The following RPS23 variants were observed in gnomAD, a reference collection of about 807,000 sequenced individuals.
RPS23 encodes the protein small ribosomal subunit protein uS12.
For missense variants in RPS23, 73 were observed against 174.5 expected (o/e 0.42, Z 3.28); for synonymous variants, 66 against 60.4 (o/e 1.09, Z -0.43).
In RPS23 at chr5:82,274,109, G is replaced by A. The variant is rs527800355; in HGVS notation, c.*2000C>T. On this transcript the variant is annotated 3_prime_UTR_variant, in exon 4 of 4. Coordinates refer to ENST00000296674, the MANE Select transcript of RPS23 (RefSeq NM_001025.5). ...CCTTTGTTTTGGTCTTTGACAAATG[G>A]AAGTCCACAACATTTATTGAAACTC... The A allele has an allele frequency of 6.6e-6, 1 of 152,250 alleles. No individual in the cohort carries two copies. The highest frequency in any genetic ancestry group is 2.1e-4 in the South Asian group (1 of 4,820). The allele number at this position is 152,250 out of a possible 1,614,324, so 9.4% of individuals were successfully genotyped here. A position where few individuals can be genotyped will look rare whatever the true frequency, so the allele number is the denominator to read the frequency against.
Position 82,277,323 on chromosome 5 carries a change from CAATT to C in RPS23, c.164+366_164+369del, listed in dbSNP as rs1352661896. 52 of 302,644 alleles carry C rather than the reference CAATT, an allele frequency of 1.7e-4. 2 individuals carry two copies. The highest frequency in any genetic ancestry group is 1.2e-3 in the South Asian group (39 of 31,920). The allele number at this position is 302,644 out of a possible 1,614,324, so 18.7% of individuals were successfully genotyped here. On this transcript the variant is annotated intron_variant, in intron 2 of 3. Transcript: ENST00000296674. ...TGTCTCAATCTTAGGTGTATGACCT[CAATT>C]AATTCTGATGCAAGTCACTTCTCTT...
intron 2 of RPS23, chr5:82,277,421 C>G (rs1667115721): frequency 2.2e-6 from 1 of 456,416 alleles, no homozygotes; most frequent in Non-Finnish European, 4.0e-6. Context: ...ACAACTCCCA[C>G]AGTAAAGGTG....
chr5:82,275,502 T>C lies in RPS23; in HGVS notation c.*607A>G. On this transcript the variant is annotated 3_prime_UTR_variant, in exon 4 of 4. Coordinates refer to ENST00000296674, the MANE Select transcript of RPS23 (RefSeq NM_001025.5). ...CTTATCTCCCTTGCCTGGCATATAC[T>C]TCCATCAACTAAATGATCCAATGCC... is the stretch of plus-strand genomic sequence containing the variant. The C allele has an allele frequency of 1.7e-6, 1 of 594,596 alleles. No individual in the cohort carries two copies. Among genetic ancestry groups the C allele is most frequent in the Admixed American group, 2.9e-5 (1 of 34,282 alleles). 36.8% of individuals were successfully genotyped at this position (594,596 alleles called of 1,614,324 possible).
At chr5:82,276,564 GATT>G in intron 2 of RPS23, 46 bp from the exon 3 acceptor site, 1 of 1,608,088 alleles carries the variant, frequency 6.2e-7, no homozygotes, top group Non-Finnish European at 8.5e-7. Flanking sequence ...TTCTGAAAAA[GATT>G]ATCTTTTCAT....
Position 82,275,335 on chromosome 5 carries a change from T to A in RPS23, c.*774A>T. On this transcript the variant is annotated 3_prime_UTR_variant, in exon 4 of 4. Coordinates refer to ENST00000296674, the MANE Select transcript of RPS23 (RefSeq NM_001025.5). Reference sequence around the variant, plus strand: ...TGTGGACAGCAAAATCCACATGTACTCAATACCTAGCTTAAATTATCAAAA... The same window carrying A: ...TGTGGACAGCAAAATCCACATGTACACAATACCTAGCTTAAATTATCAAAA... 1 of 702,544 alleles carries A rather than the reference T, an allele frequency of 1.4e-6. No homozygotes were observed. The highest frequency in any genetic ancestry group is 1.5e-5 in the South Asian group (1 of 67,582). 43.5% of individuals were successfully genotyped at this position (702,544 alleles called of 1,614,324 possible).
intron 2 of RPS23, chr5:82,277,379 G>A: frequency 2.6e-6 from 1 of 378,688 alleles, no homozygotes; most frequent in South Asian, 2.5e-5. Context: ...AGTCGATAAA[G>A]TTCAATAGCT....
Position 82,276,333 on chromosome 5 carries a change from A to G in RPS23, c.285+65T>C, listed in dbSNP as rs749895673. 68 of 1,612,644 alleles carry G rather than the reference A, an allele frequency of 4.2e-5. No individual in the cohort carries two copies. In the African/African-American group the frequency reaches 8.1e-4, roughly 19 times the overall value. Reference sequence around the variant, plus strand: ...CTTTCATGTGAGGAAACTCCCTTGCATCAGATAAAAATGTGAGGGAGGCCA... The same window carrying G: ...CTTTCATGTGAGGAAACTCCCTTGCGTCAGATAAAAATGTGAGGGAGGCCA... On this transcript the variant is annotated intron_variant, in intron 3 of 3. Transcript: ENST00000296674.
chr5:82,277,570 C>T (rs1010516002), intron 2 of RPS23, 123 bp downstream of exon 2: 55 of 970,520 alleles, frequency 5.7e-5, no homozygotes, highest in Admixed American at 4.0e-4. Flanking sequence ...GCAATTTTAC[C>T]CCACAATGCC....
chr5:82,277,419 C>T, intron 2 of RPS23: 1 of 447,678 alleles, frequency 2.2e-6, no homozygotes, highest in Admixed American at 3.8e-5. Flanking sequence ...TAACAACTCC[C>T]ACAGTAAAGG....
chr5:82,275,945 TA>T lies in RPS23; in HGVS notation c.*163del, dbSNP rs1747763677. On this transcript the variant is annotated 3_prime_UTR_variant, in exon 4 of 4. Coordinates refer to ENST00000296674, the MANE Select transcript of RPS23 (RefSeq NM_001025.5). ...GAAACAACCCTGTCTTATTGTCTCC[TA>T]AAATTGGTACAGGTCCTGCGTTTGC... is the stretch of plus-strand genomic sequence containing the variant. The T allele has an allele frequency of 4.7e-6, 3 of 637,330 alleles. No individual in the cohort carries two copies. Among genetic ancestry groups the T allele is most frequent in the Non-Finnish European group, 8.2e-6 (3 of 364,406 alleles). 39.5% of individuals were successfully genotyped at this position (637,330 alleles called of 1,614,324 possible). A position where few individuals can be genotyped will look rare whatever the true frequency, so the allele number is the denominator to read the frequency against.
At chr5:82,277,632 C>CGTA (rs1327961581) in intron 2 of RPS23, 61 bp downstream of exon 2, 2 of 1,516,290 alleles carry the variant, frequency 1.3e-6, no homozygotes, top group East Asian at 4.5e-5. Flanking sequence ...AACAAGAATT[C>CGTA]GTAAGTTCAT....
chr5:82,275,877 A>C lies in RPS23; in HGVS notation c.*232T>G, dbSNP rs115446832. 2 of 501,576 alleles carry C rather than the reference A, an allele frequency of 4.0e-6. No homozygotes were observed. Among genetic ancestry groups the C allele is most frequent in the African/African-American group, 1.9e-5 (1 of 51,378 alleles). 31.1% of individuals were successfully genotyped at this position (501,576 alleles called of 1,614,324 possible). On this transcript the variant is annotated 3_prime_UTR_variant, in exon 4 of 4. Transcript: ENST00000296674. ...ATTTTCTTATTCCACAGGATGAGGG[A>C]AACTGTGCCAGGTTACAAATGTTAT...
In RPS23 at chr5:82,275,156, C is replaced by T. The variant is rs1452419382; in HGVS notation, c.*953G>A. The T allele has an allele frequency of 4.3e-6, 3 of 695,754 alleles. No homozygotes were observed. Among genetic ancestry groups the T allele is most frequent in the African/African-American group, 1.8e-5 (1 of 56,914 alleles). 43.1% of individuals were successfully genotyped at this position (695,754 alleles called of 1,614,324 possible). Reference sequence around the variant, plus strand: ...CCAAACCAATTGTTTTCCAAAGATCCTAAACAATGTAAAGCTAGGCTTTGA... The same window carrying T: ...CCAAACCAATTGTTTTCCAAAGATCTTAAACAATGTAAAGCTAGGCTTTGA... On this transcript the variant is annotated 3_prime_UTR_variant, in exon 4 of 4. Transcript: ENST00000296674.
At position 82,276,450 on chromosome 5, in the gene RPS23, C is replaced by A; in HGVS notation, c.233G>T (p.Gly78Val). 5 of 1,613,954 alleles carry A rather than the reference C, an allele frequency of 3.1e-6. No homozygotes were observed. The highest frequency in any genetic ancestry group is 4.2e-6 in the Non-Finnish European group (5 of 1,179,876). The change falls in exon 3 of 4, where the codon GGC (glycine) becomes GTC (valine). Residue 78 changes from glycine (G) to valine (V), a missense_variant. Coordinates refer to ENST00000296674, the MANE Select transcript of RPS23 (RefSeq NM_001025.5). ...KCVRVQLIKN[G>V]KKITAFVPND... The stretch of plus-strand genomic sequence containing the variant: ...GGGTACAAAGGCTGTGATTTTCTTG[C>A]CATTCTTGATCAGCTGGACCCTTAC...
At position 82,274,531 on chromosome 5, in the gene RPS23, T is replaced by G. The variant is rs1457486995; in HGVS notation, c.*1578A>C. 6.5e-6 allele frequency: 1 copy of G among 152,674 alleles called. No homozygotes were observed. The highest frequency in any genetic ancestry group is 1.5e-5 in the Non-Finnish European group (1 of 68,382). 9.5% of individuals were successfully genotyped at this position (152,674 alleles called of 1,614,324 possible). A position where few individuals can be genotyped will look rare whatever the true frequency, so the allele number is the denominator to read the frequency against. On this transcript the variant is annotated 3_prime_UTR_variant, in exon 4 of 4. Transcript: ENST00000296674. ...AGGCCACATCCCTGGGCGCCCGCGCTGTCCCACTCCCTTCCTGGTGCGCCC... is the reference window on the plus strand; with the variant it reads ...AGGCCACATCCCTGGGCGCCCGCGCGGTCCCACTCCCTTCCTGGTGCGCCC...
At chr5:82,277,913 C>G in intron 1 of RPS23, 61 bp from the exon 2 acceptor site, 5 of 1,428,372 alleles carry the variant, frequency 3.5e-6, no homozygotes, top group Non-Finnish European at 4.9e-6. Context: ...TTCCCATCTT[C>G]TAAGACACTC....
intron 1 of RPS23, 102 bp from the exon 2 acceptor site, chr5:82,277,954 T>A: frequency 9.3e-7 from 1 of 1,072,250 alleles, no homozygotes. Context: ...TTAAGCCGAT[T>A]GGCTCTCGTA....
Position 82,273,849 on chromosome 5 carries a change from C to G in RPS23, c.*2260G>C, listed in dbSNP as rs555288713. The G allele has an allele frequency of 2.0e-5, 3 of 152,306 alleles. No individual in the cohort carries two copies. Among genetic ancestry groups the G allele is most frequent in the African/African-American group, 7.2e-5 (3 of 41,566 alleles). 9.4% of individuals were successfully genotyped at this position (152,306 alleles called of 1,614,324 possible). On this transcript the variant is annotated 3_prime_UTR_variant, in exon 4 of 4. Transcript: ENST00000296674. ...AAGTGCTGGGATTACAGGCATGAAC[C>G]ACAGCGCCCAGCTTAACAGGATTTT...
rs555019818 is a variant in RPS23, at chr5:82,275,814, A to T, written c.*295T>A. 4.0e-5 allele frequency: 13 copies of T among 322,582 alleles called. No individual in the cohort carries two copies. In the South Asian group the frequency reaches 1.1e-3, roughly 26 times the overall value. 20.0% of individuals were successfully genotyped at this position (322,582 alleles called of 1,614,324 possible). On this transcript the variant is annotated 3_prime_UTR_variant, in exon 4 of 4. Transcript: ENST00000296674. ...GAAGTTCCCTTAAAGTTCTTAAAGT[A>T]ATACTACAATACTGCACATTTATTC...
Sources: allele counts gnomAD v4.1 joint callset, GRCh38; gene constraint gnomAD v4.1.1; transcripts MANE v1.5; gene names NCBI Gene and HGNC (gene_info 2026-07-23, HGNC 2026-07-21).